The following WWP2 variants were observed in gnomAD, a reference collection of about 807,000 sequenced individuals.
WWP2 encodes the protein WW domain containing E3 ubiquitin protein ligase 2.
A neutral mutation model predicts 121.0 loss-of-function variants in WWP2; 57 were observed. That is an observed-to-expected ratio of 0.47 (90% CI 0.38 to 0.59). The LOEUF is 0.59. Ranked by LOEUF, WWP2 falls within the 20% of genes least tolerant of loss-of-function variation. WWP2 has a pLI of 0.00. For missense variants in WWP2, 962 were observed against 1,158.9 expected (o/e 0.83, Z 2.47); for synonymous variants, 449 against 441.3 (o/e 1.02, Z -0.22).
intron 4 of WWP2, among the ~76,000 whole-genome samples, chr16:69,810,869 C>T (rs1384612400): frequency 6.6e-6 from 1 of 152,040 alleles, no homozygotes. Flanking sequence ...ATTCTCCTGC[C>T]TCAGTCTCCT....
At chr16:69,808,542 C>T (rs781127329) in intron 4 of WWP2, among the ~76,000 whole-genome samples, 10 of 152,322 alleles carry the variant, frequency 6.6e-5, no homozygotes, top group East Asian at 1.9e-4. Context: ...GTTGACATTA[C>T]AGGCACCTGC....
At chr16:69,893,553 T>G (rs944259115) in intron 8 of WWP2, among the ~76,000 whole-genome samples, 1 of 143,746 alleles carries the variant, frequency 7.0e-6, no homozygotes, top group Non-Finnish European at 1.5e-5. Context: ...CAGAATGCTG[T>G]TTTTTTTGTT....
chr16:69,885,927 A>G (rs546930642), intron 7 of WWP2, among the ~76,000 whole-genome samples: 12 of 152,242 alleles, frequency 7.9e-5, no homozygotes, highest in African/African-American at 2.9e-4. Context: ...CTGATTTATT[A>G]TGTTTAGTTC....
chr16:69,891,506 C>G (rs2058027131), intron 8 of WWP2, among the ~76,000 whole-genome samples: 1 of 152,178 alleles, frequency 6.6e-6, no homozygotes, highest in African/African-American at 2.4e-5. Context: ...AGGTTTTACA[C>G]TGTTGATTCT....
At chr16:69,863,382 G>A (rs1432676601) in intron 6 of WWP2, among the ~76,000 whole-genome samples, 2 of 152,186 alleles carry the variant, frequency 1.3e-5, no homozygotes, top group Admixed American at 6.5e-5. Flanking sequence ...GCTCATGCCT[G>A]TAATCCTTGC....
intron 4 of WWP2, among the ~76,000 whole-genome samples, chr16:69,831,689 G>A (rs1012944320): frequency 6.6e-6 from 1 of 152,018 alleles, no homozygotes; most frequent in African/African-American, 2.4e-5. Context: ...AAGAGTGAGA[G>A]TTATTCCCCA....
rs2058880032 is a variant in WWP2, at chr16:69,941,479, A to G, written c.*1539A>G. 6.5e-6 allele frequency: 1 copy of G among 153,638 alleles called. No individual in the cohort carries two copies. The highest frequency in any genetic ancestry group is 1.5e-5 in the Non-Finnish European group (1 of 68,088). The allele number at this position is 153,638 out of a possible 1,614,324, so 9.5% of individuals were successfully genotyped here. A position where few individuals can be genotyped will look rare whatever the true frequency, so the allele number is the denominator to read the frequency against. ...GCAGCCTCTTCTGTCCCTTTCAGTC[A>G]TTTGCTGTACTTCCCTGTGGCACGT... On this transcript the variant is annotated 3_prime_UTR_variant, in exon 24 of 24. Coordinates refer to ENST00000359154, the MANE Select transcript of WWP2 (RefSeq NM_001270454.2).
At chr16:69,923,388 C>G (rs564251357) in intron 10 of WWP2, among the ~76,000 whole-genome samples, 1 of 149,046 alleles carries the variant, frequency 6.7e-6, no homozygotes, top group African/African-American at 2.5e-5. Context: ...AACCCTTTAA[C>G]GAAAGAGAGC....
chr16:69,839,759 A>G (rs1303915080), intron 4 of WWP2, among the ~76,000 whole-genome samples: 2 of 152,192 alleles, frequency 1.3e-5, no homozygotes, highest in East Asian at 1.9e-4. Context: ...CTCGGTTTCT[A>G]TGGGCAGGGG....
intron 4 of WWP2, among the ~76,000 whole-genome samples, chr16:69,820,273 C>T (rs1014446850): frequency 2.0e-5 from 3 of 152,060 alleles, no homozygotes; most frequent in Admixed American, 6.6e-5. Flanking sequence ...GATGGAGTCT[C>T]ACTCTGTTGC....
chr16:69,909,230 A>G, intron 9 of WWP2: 8 of 997,446 alleles, frequency 8.0e-6, no homozygotes, highest in Non-Finnish European at 9.5e-6. Context: ...AGACTGTCCA[A>G]GTTCAAGGAG....
chr16:69,827,212 A>G (rs2056717334), intron 4 of WWP2, among the ~76,000 whole-genome samples: 1 of 151,132 alleles, frequency 6.6e-6, no homozygotes, highest in Admixed American at 6.6e-5. Flanking sequence ...TCTTTGTTTC[A>G]TAATCTTACT....
At chr16:69,850,928 A>G (rs1414507310) in intron 6 of WWP2, among the ~76,000 whole-genome samples, 1 of 152,068 alleles carries the variant, frequency 6.6e-6, no homozygotes, top group Non-Finnish European at 1.5e-5. Context: ...CCAGAGTGGT[A>G]CATTTGTTAG....
At chr16:69,775,428 A>G (rs1385803261) in intron 1 of WWP2, among the ~76,000 whole-genome samples, 1 of 152,136 alleles carries the variant, frequency 6.6e-6, no homozygotes, top group East Asian at 1.9e-4. Context: ...CCCATCAGCC[A>G]TGTCCTGTCT....
intron 18 of WWP2, 143 bp downstream of exon 18, chr16:69,936,129 T>C (rs1335292580): frequency 3.2e-5 from 46 of 1,445,212 alleles, no homozygotes; most frequent in Admixed American, 6.5e-5. Flanking sequence ...TGGAGAGGAA[T>C]GTCCTCTGGG....
intron 2 of WWP2, among the ~76,000 whole-genome samples, chr16:69,797,170 G>T (rs768349862): frequency 3.9e-5 from 6 of 152,186 alleles, no homozygotes; most frequent in Non-Finnish European, 7.3e-5. Context: ...TGCTTGTGTA[G>T]CTTTGTACTC....
In WWP2 at chr16:69,796,948, C is replaced by T. The variant is rs74029465; in HGVS notation, c.71-1734C>T. ...TGTAGACACCATTGTAGGACTGTCA[C>T]CTTTCAGAAGAGTCTGGGAGGGAGG... On this transcript the variant is annotated intron_variant, in intron 2 of 23. Transcript: ENST00000359154. Among the ~76,000 whole-genome samples the T allele has an allele frequency of 5.8e-3, 878 of 152,312 alleles. 13 individuals are homozygous for T. The highest frequency in any genetic ancestry group is 0.02 in the African/African-American group (839 of 41,580).
intron 2 of WWP2, among the ~76,000 whole-genome samples, chr16:69,794,030 G>C (rs1426323442): frequency 2.1e-5 from 3 of 146,036 alleles, no homozygotes; most frequent in Non-Finnish European, 4.5e-5. Context: ...CGATTCTCGT[G>C]TCTTAGCCTC....
Position 69,925,542 on chromosome 16 carries a change from C to G in WWP2, c.1234+58C>G. On this transcript the variant is annotated intron_variant, in intron 11 of 23. Coordinates refer to ENST00000359154, the MANE Select transcript of WWP2 (RefSeq NM_001270454.2). This position sits in a 1 kb window ranked among gnomAD's most constrained non-coding sequence, Gnocchi z 4.0. ...CTTCCGTCAGCCACGGTGCTCTGTC[C>G]TCTCCTCCCGCGTGTCTTCCTTCCC... The G allele has an allele frequency of 6.3e-7, 1 of 1,596,250 alleles. No homozygotes were observed. The highest frequency in any genetic ancestry group is 8.6e-7 in the Non-Finnish European group (1 of 1,169,536).
Sources: gnomAD v4.1 joint callset for allele counts (sites outside exome capture counted in the v4.1 genomes callset) on GRCh38, gnomAD v4.1.1 for gene constraint, Gnocchi (gnomAD v3.1) non-coding constraint, MANE v1.5 for transcripts, NCBI Gene and HGNC (gene_info 2026-07-23, HGNC 2026-07-21) for gene names.